HSP90AA1: variants seen among roughly 807,000 people sequenced by gnomAD.
The protein encoded by HSP90AA1 is heat shock protein 90 alpha family class A member 1, also known as heat shock protein HSP 90-alpha.
In HSP90AA1, 18 loss-of-function variants were observed where a neutral mutation model predicts 73.3. The ratio of observed to expected loss-of-function variants is 0.25; its 90% confidence interval spans 0.17 to 0.36. The LOEUF is 0.36. HSP90AA1 is among the 10% of genes least tolerant of loss of function. HSP90AA1 has a pLI of 1.00. For synonymous variants in HSP90AA1, 477 were observed against 296.9 expected (o/e 1.61, Z -6.24); for missense variants, 704 against 874.2 (o/e 0.81, Z 2.45).
At chr14:102,083,350 G>T in intron 8 of HSP90AA1, 48 bp from the exon 9 acceptor site, 1 of 1,598,536 alleles carries the variant, frequency 6.3e-7, no homozygotes, top group Non-Finnish European at 8.6e-7. Flanking sequence ...GTTAAGAATG[G>T]TTTCATCTAG....
upstream of HSP90AA1, chr14:102,087,213 G>C (rs1158653539): frequency 1.0e-6 from 1 of 970,072 alleles, no homozygotes; most frequent in Non-Finnish European, 1.2e-6. Flanking sequence ...GCCTTCCTGC[G>C]GGCGCGCGCA....
chr14:102,117,779 G>A (rs1259832115), intron 1 of HSP90AA1, among the ~76,000 whole-genome samples: 1 of 152,142 alleles, frequency 6.6e-6, no homozygotes, highest in Non-Finnish European at 1.5e-5. Context: ...CGTTGCGGGC[G>A]AAGAGAAGGA....
At chr14:102,114,061 CAG>C (rs1214969101) in intron 1 of HSP90AA1, among the ~76,000 whole-genome samples, 1 of 152,070 alleles carries the variant, frequency 6.6e-6, no homozygotes, top group Non-Finnish European at 1.5e-5. Context: ...CTCTGTCATG[CAG>C]AGTCATGATC....
At chr14:102,135,581 G>T (rs1358610915) in intron 1 of HSP90AA1, among the ~76,000 whole-genome samples, 1 of 152,260 alleles carries the variant, frequency 6.6e-6, no homozygotes, top group Non-Finnish European at 1.5e-5. Flanking sequence ...CGTCGGGGAG[G>T]CTCCGGCCGC....
At chr14:102,085,569 G>A in intron 3 of HSP90AA1, 138 bp from the exon 4 acceptor site, 1 of 1,184,696 alleles carries the variant, frequency 8.4e-7, no homozygotes, top group Non-Finnish European at 1.2e-6. Flanking sequence ...AGAACCTTTT[G>A]GGCAAGGTGC....
At chr14:102,126,932 C>G (rs2049846839) in intron 1 of HSP90AA1, among the ~76,000 whole-genome samples, 1 of 152,144 alleles carries the variant, frequency 6.6e-6, no homozygotes, top group African/African-American at 2.4e-5. Flanking sequence ...CTGCCACAGG[C>G]CCCAGCTACT....
Position 102,109,111 on chromosome 14 carries a change from A to C in HSP90AA1, c.156-7026T>G, listed in dbSNP as rs117108032. Among the ~76,000 whole-genome samples, 95 of 152,266 alleles carry C rather than the reference A, an allele frequency of 6.2e-4. No individual in the cohort carries two copies. In the East Asian group the frequency reaches 0.017, roughly 27 times the overall value. The stretch of plus-strand genomic sequence containing the variant: ...CTTTCCAGCACCCCAGAGGCTCCCT[A>C]TGTTTCTTCCCTATCAATATCTCCC... On this transcript the variant is annotated intron_variant, in intron 1 of 11. Coordinates refer to the HSP90AA1 transcript ENST00000334701.
chr14:102,116,452 A>G (rs1387865183), intron 1 of HSP90AA1, among the ~76,000 whole-genome samples: 1 of 152,208 alleles, frequency 6.6e-6, no homozygotes, highest in Non-Finnish European at 1.5e-5. Flanking sequence ...AGGTGCAAGC[A>G]GTGGCGGCAG....
At chr14:102,114,003 C>T (rs1358872500) in intron 1 of HSP90AA1, among the ~76,000 whole-genome samples, 1 of 151,924 alleles carries the variant, frequency 6.6e-6, no homozygotes, top group Non-Finnish European at 1.5e-5. Flanking sequence ...AGCCACTGCA[C>T]CCCGCCCCCA....
chr14:102,086,813 T>G (rs1238429163), intron 1 of HSP90AA1, among the ~76,000 whole-genome samples, 173 bp downstream of exon 1: 1 of 151,316 alleles, frequency 6.6e-6, no homozygotes, highest in Non-Finnish European at 1.5e-5. Context: ...TGAAGCGGGG[T>G]GCGGAAACCG....
chr14:102,120,106 G>A (rs973358285), intron 1 of HSP90AA1, among the ~76,000 whole-genome samples: 6 of 152,178 alleles, frequency 3.9e-5, no homozygotes, highest in African/African-American at 1.4e-4. Flanking sequence ...GCTCATGCCT[G>A]TAATCCTAGC....
chr14:102,102,774 C>T (rs565078974), intron 1 of HSP90AA1, among the ~76,000 whole-genome samples: 27 of 152,206 alleles, frequency 1.8e-4, no homozygotes, highest in African/African-American at 4.3e-4. Flanking sequence ...TGGTGGCTCA[C>T]GCCTGTAATC....
chr14:102,125,175 G>A (rs2049825578), intron 1 of HSP90AA1, among the ~76,000 whole-genome samples: 1 of 151,824 alleles, frequency 6.6e-6, no homozygotes, highest in Non-Finnish European at 1.5e-5. Context: ...TTTATTTTTT[G>A]TAGAGATGGG....
At position 102,081,824 on chromosome 14, in the gene HSP90AA1, G is replaced by A. The variant is rs191412997; in HGVS notation, c.2090-3C>T. ...AGTAGGGTCATCTTCATCAATACCT[G>A]TTTCCAAAATAAAATCCTCATATTA... On this transcript the variant is annotated splice_polypyrimidine_tract_variant and splice_region_variant and intron_variant, in intron 10 of 10. Coordinates refer to ENST00000216281, the MANE Select transcript of HSP90AA1 (RefSeq NM_005348.4). The A allele has an allele frequency of 3.7e-6, 5 of 1,367,596 alleles. No individual in the cohort carries two copies. Among genetic ancestry groups the A allele is most frequent in the South Asian group, 2.3e-5 (2 of 86,104 alleles). 84.7% of individuals were successfully genotyped at this position (1,367,596 alleles called of 1,614,324 possible).
chr14:102,117,348 C>T (rs1286671620), intron 1 of HSP90AA1, among the ~76,000 whole-genome samples: 4 of 152,076 alleles, frequency 2.6e-5, no homozygotes, highest in African/African-American at 4.8e-5. Context: ...ATTTGTGGTG[C>T]CTTTTCCAGG....
Position 102,081,533 on chromosome 14 carries a change from T to TTA in HSP90AA1, c.*177_*178dup. On this transcript the variant is annotated 3_prime_UTR_variant, in exon 11 of 11. Transcript: ENST00000216281. ...CTCAAAAAGCATTACTAGCTCTGCT[T>TTA]TAGTGCCTAAGGTATCACAGCATCA... is the stretch of plus-strand genomic sequence containing the variant. 3.2e-6 allele frequency: 2 copies of TTA among 618,722 alleles called. No homozygotes were observed. Among genetic ancestry groups the TTA allele is most frequent in the Non-Finnish European group, 5.7e-6 (2 of 347,854 alleles). 38.3% of individuals were successfully genotyped at this position (618,722 alleles called of 1,614,324 possible). A position where few individuals can be genotyped will look rare whatever the true frequency, so the allele number is the denominator to read the frequency against.
intron 1 of HSP90AA1, among the ~76,000 whole-genome samples, chr14:102,124,063 G>A (rs187983739): frequency 3.3e-5 from 5 of 152,098 alleles, no homozygotes; most frequent in South Asian, 2.1e-4. Context: ...GATTACAGGC[G>A]GAAACTACCA....
chr14:102,128,575 C>T (rs2049865924), intron 1 of HSP90AA1, among the ~76,000 whole-genome samples: 1 of 149,486 alleles, frequency 6.7e-6, no homozygotes, highest in South Asian at 2.1e-4. Flanking sequence ...TTGCAGTAAG[C>T]CAAGATCGCA....
At position 102,120,823 on chromosome 14, in the gene HSP90AA1, A is replaced by C. The variant is rs1051808615; in HGVS notation, c.155+18427T>G. On this transcript the variant is annotated intron_variant, in intron 1 of 11. Transcript: ENST00000334701. ...CGTGGCGGTGGGCGCCTATAATCCC[A>C]GCTACTCAGGAGGCAGAGGCAGGAG... Among the ~76,000 whole-genome samples the C allele has an allele frequency of 2.0e-5, 3 of 151,730 alleles. No homozygotes were observed. The East Asian group carries it at 5.8e-4, about 29-fold the overall frequency.
Sources: allele counts gnomAD v4.1 joint callset (sites outside exome capture counted in the v4.1 genomes callset), GRCh38; gene constraint gnomAD v4.1.1; transcripts MANE v1.5; gene names NCBI Gene and HGNC (gene_info 2026-07-23, HGNC 2026-07-21).